The following PCDHGB2 variants were observed in gnomAD, a reference collection of about 807,000 sequenced individuals.
PCDHGB2 encodes protocadherin gamma-B2.
In PCDHGB2, 55 loss-of-function variants were observed where a neutral mutation model predicts 59.3. The ratio of observed to expected loss-of-function variants is 0.93; its 90% CI spans 0.75 to 1.16. PCDHGB2 has a LOEUF of 1.16. Among genes scored for constraint, PCDHGB2 ranks in the 50% most tolerant of loss-of-function variants. The pLI is 0.00. For missense variants in PCDHGB2, 1,228 were observed against 1,198.5 expected, an observed-to-expected ratio of 1.02 and a Z score of -0.36; for synonymous variants, 516 against 512.0, an observed-to-expected ratio of 1.01 and a Z score of -0.11.
At chr5:141,375,723 C>G in intron 1 of PCDHGB2, 1 of 1,614,274 alleles carries the variant, frequency 6.2e-7, no homozygotes, top group Non-Finnish European at 8.5e-7. Context: ...AGCAACGTGT[C>G]ACTGAGCCTG....
intron 2 of PCDHGB2, among the ~76,000 whole-genome samples, chr5:141,497,487 T>TCTCTCTCTC (rs1223198472): frequency 1.3e-5 from 2 of 151,562 alleles, no homozygotes; most frequent in Non-Finnish European, 2.9e-5. Flanking sequence ...GCGGAACCTC[T>TCTCTCTCTC]CTCTCTCTCC....
chr5:141,421,203 G>T, intron 1 of PCDHGB2: 1 of 1,522,612 alleles, frequency 6.6e-7, no homozygotes, highest in Non-Finnish European at 8.8e-7. Flanking sequence ...TCGAGAAACC[G>T]CGGAATATCG....
intron 1 of PCDHGB2, chr5:141,403,476 A>T: frequency 6.2e-7 from 1 of 1,613,972 alleles, no homozygotes; most frequent in Non-Finnish European, 8.5e-7. Flanking sequence ...CTCAGCCCCA[A>T]TCACCACTTC....
intron 2 of PCDHGB2, among the ~76,000 whole-genome samples, chr5:141,496,419 C>T (rs1292183963): frequency 6.6e-6 from 1 of 152,174 alleles, no homozygotes; most frequent in Non-Finnish European, 1.5e-5. Flanking sequence ...TACTTGCTGT[C>T]CACATTTGCC....
At chr5:141,382,942 C>A (rs763091165) in intron 1 of PCDHGB2, 5 of 1,595,522 alleles carry the variant, frequency 3.1e-6, no homozygotes, top group Non-Finnish European at 4.3e-6. Flanking sequence ...AGGATTCTTC[C>A]TGCTCTCCAT....
At position 141,485,971 on chromosome 5, in the gene PCDHGB2, C is replaced by T; in HGVS notation, c.2422-8836C>T. On this transcript the variant is annotated intron_variant, in intron 1 of 3. Transcript: ENST00000522605. This position sits in a 1 kb window ranked among gnomAD's most constrained non-coding sequence, Gnocchi z 5.7. Reference sequence around the variant, plus strand: ...GCATGGTGCTCATCCAGCTCAATGCCTCAGACCCGGACCTGGGTCCCAGTG... The same window carrying T: ...GCATGGTGCTCATCCAGCTCAATGCTTCAGACCCGGACCTGGGTCCCAGTG... The T allele has an allele frequency of 6.2e-7, 1 of 1,614,196 alleles. No individual in the cohort carries two copies. The highest frequency in any genetic ancestry group is 8.5e-7 in the Non-Finnish European group (1 of 1,180,042).
intron 1 of PCDHGB2, chr5:141,419,596 G>A (rs377287183): frequency 2.6e-5 from 42 of 1,611,564 alleles, no homozygotes; most frequent in Non-Finnish European, 3.3e-5. Flanking sequence ...ACACAGTGCC[G>A]CGGGCCGCGC....
In PCDHGB2 at chr5:141,511,307, G is replaced by A. The variant is rs919320754; in HGVS notation, c.*134G>A. On this transcript the variant is annotated 3_prime_UTR_variant, in exon 4 of 4. Coordinates refer to ENST00000522605, the MANE Select transcript of PCDHGB2 (RefSeq NM_018923.3). ...TAGGGGCCAAGGCCATGCTCCCCTT[G>A]GGAAACAGAAACAAGTGCCCAGTCA... 8 of 1,488,416 alleles carry A rather than the reference G, an allele frequency of 5.4e-6. No individual in the cohort carries two copies. Among genetic ancestry groups the A allele is most frequent in the Non-Finnish European group, 5.4e-6 (6 of 1,115,202 alleles). The allele number at this position is 1,488,416 out of a possible 1,614,324, so 92.2% of individuals were successfully genotyped here. A position where few individuals can be genotyped will look rare whatever the true frequency, so the allele number is the denominator to read the frequency against.
At position 141,486,994 on chromosome 5, in the gene PCDHGB2, C is replaced by G. The variant is rs779792543; in HGVS notation, c.2422-7813C>G. ...ATTCAGGTTACAATGCTTGGGTTTC[C>G]TATCAGCTCCTGGAGGCCCCAGATC... On this transcript the variant is annotated intron_variant, in intron 1 of 3. Coordinates refer to ENST00000522605, the MANE Select transcript of PCDHGB2 (RefSeq NM_018923.3). The surrounding 1 kb of genome is among the most constrained non-coding windows in gnomAD (Gnocchi z 5.0). 3 of 1,614,214 alleles carry G rather than the reference C, an allele frequency of 1.9e-6. No individual in the cohort carries two copies. Among genetic ancestry groups the G allele is most frequent in the Admixed American group, 1.7e-5 (1 of 60,030 alleles).
At chr5:141,471,078 T>C (rs1370939177) in intron 1 of PCDHGB2, among the ~76,000 whole-genome samples, 1 of 142,250 alleles carries the variant, frequency 7.0e-6, no homozygotes, top group Non-Finnish European at 1.5e-5. Context: ...AGACAGGGTC[T>C]CCCTCTGTTG....
Position 141,494,869 on chromosome 5 carries a change from G to A in PCDHGB2, c.2480+4G>A. 6.2e-7 allele frequency: 1 copy of A among 1,614,144 alleles called. No individual in the cohort carries two copies. Among genetic ancestry groups the A allele is most frequent in the Non-Finnish European group, 8.5e-7 (1 of 1,180,010 alleles). On this transcript the variant is annotated splice_donor_region_variant and intron_variant, in intron 2 of 3. Coordinates refer to ENST00000522605, the MANE Select transcript of PCDHGB2 (RefSeq NM_018923.3). The stretch of plus-strand genomic sequence containing the variant: ...CCCAGAGACCCGGCACCAGCGGGTA[G>A]GTGACTGATTCTCCAGCCCACCCTC...
intron 1 of PCDHGB2, chr5:141,393,556 G>A (rs758148175): frequency 5.6e-6 from 9 of 1,613,916 alleles, no homozygotes; most frequent in East Asian, 2.2e-5. Flanking sequence ...CCGATTTACC[G>A]AGTGAAAGTC....
At chr5:141,415,002 C>T in intron 1 of PCDHGB2, 2 of 1,613,668 alleles carry the variant, frequency 1.2e-6, no homozygotes, top group East Asian at 2.2e-5. Flanking sequence ...CCTGGCTGTC[C>T]TACCGTCTGC....
rs775752238 is a variant in PCDHGB2 at position 141,361,764 on chromosome 5, C to T, written c.1629C>T (p.Ser543=). Residue 543 remains serine, a synonymous_variant, in exon 1 of 4, where the codon AGC becomes AGT. Coordinates refer to ENST00000522605, the MANE Select transcript of PCDHGB2 (RefSeq NM_018923.3). ...GCGACCAGGGCTCGCCCGCGCTCAG[C>T]GCCAACGTGAGCCTGCGCGTGTTAG... ...QARDQGSPAL[S]ANVSLRVLVG... 9 of 1,613,132 alleles carry T rather than the reference C, an allele frequency of 5.6e-6. No individual in the cohort carries two copies. The Admixed American group carries it at 1.5e-4, about 27-fold the overall frequency.
At position 141,360,690 on chromosome 5, in the gene PCDHGB2, T is replaced by C. The variant is rs747739176; in HGVS notation, c.555T>C (p.Thr185=). The change falls in exon 1 of 4, where the codon ACT becomes ACC. Residue 185 remains threonine (T), a synonymous_variant. Coordinates refer to ENST00000522605, the MANE Select transcript of PCDHGB2 (RefSeq NM_018923.3). ...NEYFDLAEKQ[T]PDGRKYPELI... ...ACTTTGATCTCGCTGAGAAACAGAC[T>C]CCAGATGGTCGTAAATATCCTGAGT... 3.1e-6 allele frequency: 5 copies of C among 1,613,954 alleles called. No homozygotes were observed. Among genetic ancestry groups the C allele is most frequent in the Non-Finnish European group, 4.2e-6 (5 of 1,179,884 alleles).
chr5:141,384,201 G>C (rs369190060), intron 1 of PCDHGB2: 30 of 1,613,802 alleles, frequency 1.9e-5, no homozygotes, highest in Non-Finnish European at 2.5e-5. Flanking sequence ...CCTTGTCCAG[G>C]GAAACTCACA....
chr5:141,367,723 G>A (rs1211855605), intron 1 of PCDHGB2: 2 of 152,102 alleles, frequency 1.3e-5, no homozygotes, highest in Non-Finnish European at 2.9e-5. Flanking sequence ...GCTTCGTTCT[G>A]TGATGTAAAG....
chr5:141,503,075 G>A (rs1373753092), intron 2 of PCDHGB2, among the ~76,000 whole-genome samples: 1 of 151,438 alleles, frequency 6.6e-6, no homozygotes, highest in African/African-American at 2.4e-5. Context: ...GAATGGTCTC[G>A]ATCTCCTGAC....
At chr5:141,438,591 CATATATATATATATATATATAT>C (rs946798767) in intron 1 of PCDHGB2, among the ~76,000 whole-genome samples, 1 of 75,562 alleles carries the variant, frequency 1.3e-5, no homozygotes, top group Middle Eastern at 7.4e-3. Context: ...TACATACATA[CATATATATATATATATATATAT>C]ATATATATAT....
Sources: allele counts gnomAD v4.1 joint callset (sites outside exome capture counted in the v4.1 genomes callset), GRCh38; gene constraint gnomAD v4.1.1; non-coding constraint Gnocchi (gnomAD v3.1); transcripts MANE v1.5; gene names NCBI Gene and HGNC (gene_info 2026-07-23, HGNC 2026-07-21).